The following TSBP1 variants were observed in gnomAD, a reference collection of about 807,000 sequenced individuals.
The protein encoded by TSBP1 is testis expressed basic protein 1, also known as testis-expressed basic protein 1.
Under a neutral mutation model 68.8 loss-of-function variants are expected in TSBP1, and 56 were observed. The ratio of observed to expected loss-of-function variants is 0.81; its 90% CI spans 0.66 to 1.02. The LOEUF is 1.02. Ranked by LOEUF, TSBP1 falls within the 50% of genes least tolerant of loss-of-function variation. The pLI is 0.00. For missense variants in TSBP1, 502 were observed against 641.2 expected, an observed-to-expected ratio of 0.78 and a Z score of 2.34; for synonymous variants, 171 against 208.7, an observed-to-expected ratio of 0.82 and a Z score of 1.56.
intron 18 of TSBP1, among the ~76,000 whole-genome samples, chr6:32,317,777 A>G (rs1767132633): frequency 6.6e-6 from 1 of 152,214 alleles, no homozygotes; most frequent in African/African-American, 2.4e-5. Flanking sequence ...ACCAGGCAGA[A>G]TGGCCATTAT....
At chr6:32,294,201 A>T (rs777060529) in intron 22 of TSBP1, 166 bp from the exon 26 acceptor site, 7 of 751,228 alleles carry the variant, frequency 9.3e-6, no homozygotes, top group Non-Finnish European at 1.3e-5. Flanking sequence ...TAAAATTATA[A>T]AAGTATCGAT....
chr6:32,342,246 C>T (rs1371403745), intron 9 of TSBP1, among the ~76,000 whole-genome samples: 1 of 151,512 alleles, frequency 6.6e-6, no homozygotes, highest in Admixed American at 6.6e-5. Context: ...CTCACTGCAA[C>T]CTCCTCTCCC....
Position 32,336,658 on chromosome 6 carries a change from G to A in TSBP1, c.410-23C>T. ...GCACTGAAATACAAAAAGGAGGAAA[G>A]TGTGGTTTGACATTAATAGAATTTT... On this transcript the variant is annotated intron_variant, in intron 11 of 22. Coordinates refer to ENST00000612031, the Ensembl canonical transcript of TSBP1. The surrounding 1 kb of genome is among the most constrained non-coding windows in gnomAD (Gnocchi z 5.2). The A allele has an allele frequency of 1.2e-6, 2 of 1,609,662 alleles. No individual in the cohort carries two copies. The highest frequency in any genetic ancestry group is 1.7e-6 in the Non-Finnish European group (2 of 1,177,036).
At chr6:32,295,349 CAAAAAA>C (rs3038432) in intron 22 of TSBP1, among the ~76,000 whole-genome samples, 1 of 90,844 alleles carries the variant, frequency 1.1e-5, no homozygotes, top group Non-Finnish European at 2.4e-5. Flanking sequence ...CACACACACA[CAAAAAA>C]AAAAAAAAAA....
chr6:32,322,558 CA>C, intron 18 of TSBP1, 52 bp from the exon 20 acceptor site: 1 of 1,340,714 alleles, frequency 7.5e-7, no homozygotes, highest in Non-Finnish European at 1.1e-6. Context: ...ATAGAAAACA[CA>C]TAGTATTATC....
chr6:32,365,262 T>C lies in TSBP1; in HGVS notation c.217+905A>G. 1 of 454,104 alleles carries C rather than the reference T, an allele frequency of 2.2e-6. No individual in the cohort carries two copies. The highest frequency in any genetic ancestry group is 4.4e-6 in the Non-Finnish European group (1 of 225,772). 28.1% of individuals were successfully genotyped at this position (454,104 alleles called of 1,614,324 possible). ...CAGTCCAGGTTCTGAGAGCCTTCCC[T>C]TTGTTTTCCCTAGGGTGGTGCTCTG... is the stretch of plus-strand genomic sequence containing the variant. On this transcript the variant is annotated intron_variant, in intron 6 of 22. Transcript: ENST00000612031. The surrounding 1 kb of genome is among the most constrained non-coding windows in gnomAD (Gnocchi z 4.3).
intron 3 of TSBP1, 64 bp from the exon 4 acceptor site, chr6:32,368,021 C>G (rs1562202146): frequency 7.0e-6 from 9 of 1,279,250 alleles, no homozygotes; most frequent in Non-Finnish European, 1.0e-5. Context: ...TTATTTAAGA[C>G]TCTGAGAACT....
In TSBP1 at chr6:32,343,370, C is replaced by T; in HGVS notation, c.350-3732G>A. 1 of 571,556 alleles carries T rather than the reference C, an allele frequency of 1.7e-6. No individual in the cohort carries two copies. Among genetic ancestry groups the T allele is most frequent in the Non-Finnish European group, 2.8e-6 (1 of 356,794 alleles). 35.4% of individuals were successfully genotyped at this position (571,556 alleles called of 1,614,324 possible). A position where few individuals can be genotyped will look rare whatever the true frequency, so the allele number is the denominator to read the frequency against. On this transcript the variant is annotated intron_variant, in intron 9 of 22. Coordinates refer to ENST00000612031, the Ensembl canonical transcript of TSBP1. This position sits in a 1 kb window ranked among gnomAD's most constrained non-coding sequence, Gnocchi z 4.3. ...CCCTCAGGTTATTAGACTTTCCATT[C>T]CCCTGTAGGTAGGCTCATAAAGTGG...
chr6:32,330,634 A>AC (rs1267727700), intron 15 of TSBP1, 25 bp from the exon 17 acceptor site: 14 of 1,502,406 alleles, frequency 9.3e-6, no homozygotes, highest in Admixed American at 2.0e-5. Context: ...CAAACAAATT[A>AC]AACACACACA....
rs926591 is a variant in TSBP1 at position 32,337,913 on chromosome 6, C to A, written c.409+1066G>T. On this transcript the variant is annotated intron_variant, in intron 11 of 22. Transcript: ENST00000612031. The surrounding 1 kb of genome is among the most constrained non-coding windows in gnomAD (Gnocchi z 5.5). The stretch of plus-strand genomic sequence containing the variant: ...AGGAGTAGACACAGGATGTGATATA[C>A]CATGAGCTTTAATTATCAAATCACT... Among the ~76,000 whole-genome samples, 51,179 of 151,462 alleles carry A rather than the reference C, an allele frequency of 0.34. 9,669 individuals carry two copies. The highest frequency in any genetic ancestry group is 0.52 in the Middle Eastern group (153 of 294).
At position 32,315,716 on chromosome 6, in the gene TSBP1, T is replaced by G. The variant is rs1583019347; in HGVS notation, c.580+56A>C. The G allele has an allele frequency of 8.4e-7, 1 of 1,190,104 alleles. No individual in the cohort carries two copies. Among genetic ancestry groups the G allele is most frequent in the East Asian group, 2.5e-5 (1 of 39,246 alleles). The allele number at this position is 1,190,104 out of a possible 1,614,324, so 73.7% of individuals were successfully genotyped here. A position where few individuals can be genotyped will look rare whatever the true frequency, so the allele number is the denominator to read the frequency against. ...TCTCAATCTTTTGGATACTTAGAAG[T>G]GGAAACATCTAACATAAATCTCCAC... is the stretch of plus-strand genomic sequence containing the variant. On this transcript the variant is annotated intron_variant, in intron 19 of 22. Transcript: ENST00000612031. The surrounding 1 kb of genome is among the most constrained non-coding windows in gnomAD (Gnocchi z 5.4).
At chr6:32,326,876 A>G (rs1374797090) in intron 16 of TSBP1, among the ~76,000 whole-genome samples, 1 of 152,182 alleles carries the variant, frequency 6.6e-6, no homozygotes, top group Non-Finnish European at 1.5e-5. Context: ...GGCTGCAGGA[A>G]AGGGAGATGA....
At chr6:32,296,209 TG>T (rs1211340772) in intron 22 of TSBP1, among the ~76,000 whole-genome samples, 1 of 152,204 alleles carries the variant, frequency 6.6e-6, no homozygotes, top group Non-Finnish European at 1.5e-5. Flanking sequence ...ATTTAGGGTT[TG>T]ATGTTTGAAA....
chr6:32,341,458 A>G (rs546673200), intron 9 of TSBP1, among the ~76,000 whole-genome samples: 1 of 152,308 alleles, frequency 6.6e-6, no homozygotes, highest in African/African-American at 2.4e-5. Flanking sequence ...AGAGATGGTG[A>G]AAAGTCCATG....
intron 19 of TSBP1, among the ~76,000 whole-genome samples, chr6:32,305,157 G>C (rs576547410): frequency 3.9e-5 from 6 of 152,126 alleles, no homozygotes; most frequent in Non-Finnish European, 8.8e-5. Flanking sequence ...AGATTACGAA[G>C]GAATTCTTAA....
At chr6:32,293,256 C>T in exon 23 of TSBP1, 5 of 1,612,648 alleles carry the variant, frequency 3.1e-6, no homozygotes, top group African/African-American at 1.3e-5. Flanking sequence ...CTCTTCTTTA[C>T]TTGGGATTCC....
In TSBP1 at chr6:32,339,014, A is replaced by T. The variant is rs553787603; in HGVS notation, c.389-15T>A. Reference sequence around the variant, plus strand: ...TGCAGTTCTGGCTAAAATACAAACAAAAAAGGTGAGTTTGAAGAGAGCATG... The same window carrying T: ...TGCAGTTCTGGCTAAAATACAAACATAAAAGGTGAGTTTGAAGAGAGCATG... On this transcript the variant is annotated splice_polypyrimidine_tract_variant and intron_variant, in intron 10 of 22. Coordinates refer to ENST00000612031, the Ensembl canonical transcript of TSBP1. 9.3e-6 allele frequency: 15 copies of T among 1,610,200 alleles called. No individual in the cohort carries two copies. In the South Asian group the frequency reaches 1.4e-4, roughly 15 times the overall value.
intron 16 of TSBP1, chr6:32,323,839 C>T (rs894505492): frequency 7.1e-6 from 4 of 565,204 alleles, no homozygotes; most frequent in Admixed American, 3.1e-5. Context: ...GTAGTATGCA[C>T]CCCAAGCCTG....
Position 32,297,529 on chromosome 6 carries a change from G to T in TSBP1, c.637+2393C>A, listed in dbSNP as rs116920132. ...CTAATCTTAGGTTCTTAATCCAGTG[G>T]TTGTCAGGGAGAGCACAATTGGATC... On this transcript the variant is annotated intron_variant, in intron 22 of 22. Coordinates refer to ENST00000612031, the Ensembl canonical transcript of TSBP1. 6.6e-3 allele frequency among the ~76,000 whole-genome samples: 1,012 copies of T among 152,234 alleles called. 15 individuals carry two copies. Among genetic ancestry groups the T allele is most frequent in the East Asian group, 0.019 (101 of 5,186 alleles).
Sources: allele counts gnomAD v4.1 joint callset (sites outside exome capture counted in the v4.1 genomes callset), GRCh38; gene constraint gnomAD v4.1.1; non-coding constraint Gnocchi (gnomAD v3.1); transcripts MANE v1.5; gene names NCBI Gene and HGNC (gene_info 2026-07-23, HGNC 2026-07-21).